The following USP49 variants were observed in gnomAD, a reference collection of about 807,000 sequenced individuals.
USP49 encodes ubiquitin carboxyl-terminal hydrolase 49.
In USP49, 24 loss-of-function variants were observed where a neutral mutation model predicts 58.6. The observed-to-expected ratio is 0.41, with a 90% CI of 0.30 to 0.58. USP49 has a LOEUF of 0.58. USP49 is among the 20% of genes least tolerant of loss of function. USP49 has a pLI of 0.30. For missense variants in USP49, 703 were observed against 866.1 expected (o/e 0.81, Z 2.36); for synonymous variants, 408 against 365.1 (o/e 1.12, Z -1.34).
At chr6:41,829,440 A>G (rs767697562) in intron 3 of USP49, among the ~76,000 whole-genome samples, 1 of 152,038 alleles carries the variant, frequency 6.6e-6, no homozygotes, top group Non-Finnish European at 1.5e-5. Flanking sequence ...CAGCCTCCCA[A>G]GTAGCTGGGA....
At chr6:41,827,603 T>C (rs567529684) in intron 3 of USP49, among the ~76,000 whole-genome samples, 15 of 139,386 alleles carry the variant, frequency 1.1e-4, no homozygotes, top group African/African-American at 3.8e-4. Flanking sequence ...GAAGTTGCAG[T>C]GAGCCAAGAT....
At chr6:41,836,920 T>C (rs1252402282) in intron 3 of USP49, among the ~76,000 whole-genome samples, 1 of 151,644 alleles carries the variant, frequency 6.6e-6, no homozygotes, top group African/African-American at 2.4e-5. Flanking sequence ...AGGTGAAAGA[T>C]CTCTACAGCG....
intron 2 of USP49, among the ~76,000 whole-genome samples, chr6:41,881,288 CAAAAAAAAA>C (rs57022965): frequency 0.031 from 631 of 20,300 alleles, 2 homozygotes; most frequent in African/African-American, 0.13. Context: ...CATTAAATAC[CAAAAAAAAA>C]AAAAAAAAAA....
intron 2 of USP49, among the ~76,000 whole-genome samples, chr6:41,884,312 C>A (rs1334267363): frequency 2.0e-5 from 3 of 152,114 alleles, no homozygotes; most frequent in South Asian, 4.1e-4. Flanking sequence ...CGTGAGCCAC[C>A]GCGCCAGGCC....
intron 2 of USP49, chr6:41,886,635 G>C (rs900558875): frequency 1.3e-5 from 2 of 152,330 alleles, no homozygotes; most frequent in Middle Eastern, 3.4e-3. Flanking sequence ...GGTGGCTCAC[G>C]CCTGTAATCC....
intron 3 of USP49, among the ~76,000 whole-genome samples, chr6:41,836,522 A>G (rs1773729994): frequency 6.6e-6 from 1 of 152,204 alleles, no homozygotes. Context: ...TCCTAACCAG[A>G]ACAATCAGGC....
At chr6:41,855,016 C>T (rs1047353374) in intron 3 of USP49, among the ~76,000 whole-genome samples, 1 of 151,864 alleles carries the variant, frequency 6.6e-6, no homozygotes, top group Non-Finnish European at 1.5e-5. Flanking sequence ...TCAAGTGATC[C>T]GCCCACCTTG....
intron 5 of USP49, among the ~76,000 whole-genome samples, chr6:41,800,630 T>G (rs1241904652): frequency 6.6e-6 from 1 of 152,234 alleles, no homozygotes. Flanking sequence ...TAGGTAAGCC[T>G]AATTCTACTT....
At chr6:41,860,420 G>A (rs537997173) in intron 3 of USP49, among the ~76,000 whole-genome samples, 13 of 152,258 alleles carry the variant, frequency 8.5e-5, no homozygotes, top group Middle Eastern at 3.4e-3. Flanking sequence ...GAGGAAATTT[G>A]AACACTGACT....
chr6:41,821,794 G>A (rs1000633664), intron 3 of USP49, among the ~76,000 whole-genome samples: 7 of 152,030 alleles, frequency 4.6e-5, no homozygotes, highest in Admixed American at 6.6e-5. Flanking sequence ...TTATCCAGAC[G>A]GAAAGCAGCT....
At chr6:41,883,081 GA>G (rs950315431) in intron 2 of USP49, among the ~76,000 whole-genome samples, 2 of 152,000 alleles carry the variant, frequency 1.3e-5, no homozygotes, top group African/African-American at 4.8e-5. Flanking sequence ...AGGATATGAA[GA>G]GGCAAAGGAA....
intron 3 of USP49, among the ~76,000 whole-genome samples, chr6:41,824,466 T>C (rs2127336898): frequency 6.7e-6 from 1 of 149,968 alleles, no homozygotes; most frequent in South Asian, 2.1e-4. Context: ...ATCTCAGCAC[T>C]TTGGGAGGCC....
At chr6:41,831,919 T>C (rs1330228132) in intron 3 of USP49, among the ~76,000 whole-genome samples, 2 of 152,212 alleles carry the variant, frequency 1.3e-5, no homozygotes, top group East Asian at 3.8e-4. Context: ...AGTCAATTCC[T>C]TGAGATGCTA....
At chr6:41,821,984 A>G (rs1347304633) in intron 3 of USP49, among the ~76,000 whole-genome samples, 1 of 152,230 alleles carries the variant, frequency 6.6e-6, no homozygotes, top group African/African-American at 2.4e-5. Context: ...CAGTATTCAC[A>G]AACACCAACC....
intron 3 of USP49, among the ~76,000 whole-genome samples, chr6:41,824,127 T>C (rs376200455): frequency 1.2e-4 from 19 of 152,106 alleles, no homozygotes; most frequent in African/African-American, 4.1e-4. Context: ...AGGCCAGTTA[T>C]TTTTGCCTCC....
chr6:41,794,438 A>C lies in USP49; in HGVS notation c.*2095T>G, dbSNP rs750127771. On this transcript the variant is annotated 3_prime_UTR_variant, in exon 8 of 8. Coordinates refer to ENST00000682992, the MANE Select transcript of USP49 (RefSeq NM_001286554.2). ...TGAGGGGTAAAGTAGATGCTCTATT[A>C]GTTCTTCTCTATCTTGTAAGTTCTT... 6.6e-6 allele frequency: 1 copy of C among 152,208 alleles called. No individual in the cohort carries two copies. Among genetic ancestry groups the C allele is most frequent in the Admixed American group, 6.6e-5 (1 of 15,266 alleles). 9.4% of individuals were successfully genotyped at this position (152,208 alleles called of 1,614,324 possible). A position where few individuals can be genotyped will look rare whatever the true frequency, so the allele number is the denominator to read the frequency against.
intron 3 of USP49, among the ~76,000 whole-genome samples, chr6:41,814,209 C>T (rs930028389): frequency 2.0e-5 from 3 of 152,150 alleles, no homozygotes; most frequent in African/African-American, 7.2e-5. Context: ...CACCCTTGGT[C>T]GATCTGCATA....
chr6:41,853,797 G>A (rs1459132183), intron 3 of USP49, among the ~76,000 whole-genome samples: 1 of 151,630 alleles, frequency 6.6e-6, no homozygotes, highest in African/African-American at 2.4e-5. Context: ...GGGAGTTCAA[G>A]ACCAGCCTGA....
intron 3 of USP49, among the ~76,000 whole-genome samples, chr6:41,871,045 C>T (rs1774404886): frequency 6.6e-6 from 1 of 151,878 alleles, no homozygotes; most frequent in South Asian, 2.1e-4. Context: ...AGCAAGACTC[C>T]ATCTCAAAAC....
Sources: gnomAD v4.1 joint callset for allele counts (sites outside exome capture counted in the v4.1 genomes callset) on GRCh38, gnomAD v4.1.1 for gene constraint, MANE v1.5 for transcripts, NCBI Gene and HGNC (gene_info 2026-07-23, HGNC 2026-07-21) for gene names.